Variants in SLCO3A1 observed in about 807,000 individuals in gnomAD.
SLCO3A1 encodes solute carrier organic anion transporter family member 3A1.
A neutral mutation model predicts 63.1 loss-of-function variants in SLCO3A1; 27 were observed. That is an observed-to-expected ratio of 0.43 (90% CI 0.32 to 0.59). The LOEUF is 0.59. Among genes scored for constraint, SLCO3A1 ranks in the 20% least tolerant of loss-of-function variants. The probability of loss-of-function intolerance (pLI) is 0.09; values close to 1 mark genes in which losing one functional copy is unlikely to be tolerated. For missense variants in SLCO3A1, 773 were observed against 945.8 expected (o/e 0.82, Z 2.40); for synonymous variants, 473 against 409.9 (o/e 1.15, Z -1.86).
At chr15:91,938,474 T>C (rs925139548) in intron 2 of SLCO3A1, among the ~76,000 whole-genome samples, 1 of 126,292 alleles carries the variant, frequency 7.9e-6, no homozygotes, top group African/African-American at 3.4e-5. Flanking sequence ...TAAACATTGG[T>C]TTTTTTTGTT....
At chr15:92,171,921 C>A in exon 11 of SLCO3A1, 5 of 1,321,686 alleles carry the variant, frequency 3.8e-6, no homozygotes, top group Admixed American at 2.0e-5. Flanking sequence ...ACAGACCTCG[C>A]GGGCCTCACT....
At chr15:91,953,967 T>C (rs1900083641) in intron 2 of SLCO3A1, among the ~76,000 whole-genome samples, 1 of 152,216 alleles carries the variant, frequency 6.6e-6, no homozygotes, top group Non-Finnish European at 1.5e-5. Flanking sequence ...TTACAGATAC[T>C]GAGGCACTCC....
chr15:91,952,836 C>T (rs2151412951), intron 2 of SLCO3A1, among the ~76,000 whole-genome samples: 1 of 152,318 alleles, frequency 6.6e-6, no homozygotes, highest in African/African-American at 2.4e-5. Flanking sequence ...TCTGCCCCAT[C>T]TCCAAAATCT....
rs762866160 is a variant in SLCO3A1, at chr15:92,040,148, G to A, written c.647-54733G>A. 1.1e-4 allele frequency among the ~76,000 whole-genome samples: 17 copies of A among 151,964 alleles called. 1 individual carries two copies. Among genetic ancestry groups the A allele is most frequent in the African/African-American group, 2.2e-4 (9 of 41,350 alleles). On this transcript the variant is annotated intron_variant, in intron 2 of 9. Transcript: ENST00000318445. ...GTTGATAGGTGAAGCAAACCACCAC[G>A]GCACATGTATACCTATGTAACAAAC...
At chr15:92,069,440 A>T (rs138700775) in intron 2 of SLCO3A1, among the ~76,000 whole-genome samples, 4 of 152,256 alleles carry the variant, frequency 2.6e-5, no homozygotes, top group African/African-American at 9.6e-5. Flanking sequence ...CATGCCCTTC[A>T]TGCAGTGACC....
intron 1 of SLCO3A1, among the ~76,000 whole-genome samples, chr15:91,866,026 T>C (rs958845483): frequency 3.3e-5 from 5 of 152,156 alleles, no homozygotes; most frequent in Non-Finnish European, 7.4e-5. Context: ...TTCACAGAAA[T>C]GCGGACAGTC....
intron 2 of SLCO3A1, among the ~76,000 whole-genome samples, chr15:92,032,604 TGGGTAGTGGAG>T (rs2046666762): frequency 1.3e-5 from 2 of 151,754 alleles, no homozygotes; most frequent in South Asian, 4.2e-4. Flanking sequence ...GTGAAAGCTT[TGGGTAGTGGAG>T]GTGCTCTCTG....
chr15:92,026,007 T>C (rs1483533890), intron 2 of SLCO3A1, among the ~76,000 whole-genome samples: 28 of 152,230 alleles, frequency 1.8e-4, no homozygotes, highest in Non-Finnish European at 5.9e-5. Flanking sequence ...TCCTTTGGCC[T>C]GTTTCTTTTG....
chr15:92,137,075 A>G (rs1376716222), intron 7 of SLCO3A1, among the ~76,000 whole-genome samples: 6 of 147,096 alleles, frequency 4.1e-5, no homozygotes, highest in Non-Finnish European at 8.9e-5. Flanking sequence ...TGCACCCACT[A>G]ACTCGTCATC....
rs1596128462 is a variant in SLCO3A1 at position 92,130,932 on chromosome 15, T to TTGA, written c.1512+2443_1512+2444insTGA. Among the ~76,000 whole-genome samples the TTGA allele has an allele frequency of 6.0e-5, 9 of 150,320 alleles. No homozygotes were observed. In the South Asian group the frequency reaches 1.7e-3, roughly 29 times the overall value. The stretch of plus-strand genomic sequence containing the variant: ...AAACTCTTTGACAAGCTAAAACCTT[T>TTGA]CACCTCCTCCTTTTCACAGTGATCC... On this transcript the variant is annotated intron_variant, in intron 7 of 9. Coordinates refer to ENST00000318445, the MANE Select transcript of SLCO3A1 (RefSeq NM_013272.4).
At chr15:91,861,962 G>A (rs756535531) in intron 1 of SLCO3A1, among the ~76,000 whole-genome samples, 1 of 149,204 alleles carries the variant, frequency 6.7e-6, no homozygotes, top group Non-Finnish European at 1.5e-5. Context: ...TTTCAGTGGG[G>A]TGGGGCGGGT....
At chr15:92,143,606 A>T (rs1267942949) in intron 7 of SLCO3A1, among the ~76,000 whole-genome samples, 1 of 137,104 alleles carries the variant, frequency 7.3e-6, no homozygotes, top group Non-Finnish European at 1.5e-5. Flanking sequence ...GGGAAGATGG[A>T]TTTGATGTAG....
intron 4 of SLCO3A1, among the ~76,000 whole-genome samples, chr15:92,113,225 C>T (rs1018521325): frequency 4.6e-5 from 7 of 152,068 alleles, no homozygotes; most frequent in African/African-American, 9.7e-5. Flanking sequence ...ATGACTGGGG[C>T]GACACCAATT....
rs28558266 is a variant in SLCO3A1, at chr15:92,143,485, A to T, written c.1513-3499A>T. On this transcript the variant is annotated intron_variant, in intron 7 of 9. Transcript: ENST00000318445. ...ATATATATAAATATATATATATATT[A>T]TATATATGTATATAAAATCCCACTT... is the stretch of plus-strand genomic sequence containing the variant. 2.1e-3 allele frequency among the ~76,000 whole-genome samples: 64 copies of T among 29,920 alleles called. 2 individuals are homozygous for T. Among genetic ancestry groups the T allele is most frequent in the Middle Eastern group, 0.011 (1 of 92 alleles). 19.6% of individuals were successfully genotyped at this position (29,920 alleles called of 152,430 possible). A position where few individuals can be genotyped will look rare whatever the true frequency, so the allele number is the denominator to read the frequency against.
At chr15:92,116,642 A>C (rs1349019684) in intron 4 of SLCO3A1, among the ~76,000 whole-genome samples, 13 of 152,220 alleles carry the variant, frequency 8.5e-5, no homozygotes, top group Non-Finnish European at 4.4e-5. Flanking sequence ...AAAAAGTCAG[A>C]ATTTTATAGG....
intron 7 of SLCO3A1, among the ~76,000 whole-genome samples, chr15:92,129,138 T>C (rs1455079162): frequency 1.3e-5 from 2 of 152,204 alleles, no homozygotes; most frequent in Non-Finnish European, 2.9e-5. Context: ...GCACCTGCCC[T>C]GTGGAGGCCC....
chr15:92,086,600 G>A (rs1004714799), intron 2 of SLCO3A1, among the ~76,000 whole-genome samples: 1 of 152,110 alleles, frequency 6.6e-6, no homozygotes, highest in Non-Finnish European at 1.5e-5. Flanking sequence ...TGATAAATCA[G>A]CTTCACTCTG....
At chr15:92,081,638 G>T (rs2047348064) in intron 2 of SLCO3A1, among the ~76,000 whole-genome samples, 1 of 152,204 alleles carries the variant, frequency 6.6e-6, no homozygotes, top group Admixed American at 6.5e-5. Flanking sequence ...AAAGTCCTGG[G>T]ATTACAGGTG....
chr15:92,105,587 T>C (rs761827660), intron 4 of SLCO3A1, among the ~76,000 whole-genome samples: 22 of 152,190 alleles, frequency 1.4e-4, no homozygotes, highest in Non-Finnish European at 2.8e-4. Flanking sequence ...AGGAGCTGAA[T>C]GTAGCCTGGC....
Sources: gnomAD v4.1 joint callset for allele counts (sites outside exome capture counted in the v4.1 genomes callset) on GRCh38, gnomAD v4.1.1 for gene constraint, MANE v1.5 for transcripts, NCBI Gene and HGNC (gene_info 2026-07-23, HGNC 2026-07-21) for gene names.